The following PTPRK variants were observed in gnomAD, a reference collection of about 807,000 sequenced individuals.
PTPRK encodes receptor-type tyrosine-protein phosphatase kappa.
A neutral mutation model predicts 178.0 loss-of-function variants in PTPRK; 75 were observed. The ratio of observed to expected loss-of-function variants is 0.42; its 90% CI spans 0.35 to 0.51. PTPRK has a LOEUF of 0.51. PTPRK is among the 20% of genes least tolerant of loss of function. The pLI is 0.02. For missense variants in PTPRK, 1,441 were observed against 1,797.8 expected, an observed-to-expected ratio of 0.80 and a Z score of 3.59; for synonymous variants, 637 against 620.6, an observed-to-expected ratio of 1.03 and a Z score of -0.39.
chr6:128,456,222 TAA>T (rs1848375554), intron 1 of PTPRK, among the ~76,000 whole-genome samples: 1 of 152,022 alleles, frequency 6.6e-6, no homozygotes, highest in Non-Finnish European at 1.5e-5. Context: ...CAAACAGACT[TAA>T]ATTACCCACT....
At chr6:128,149,715 G>T (rs1009920186) in intron 7 of PTPRK, among the ~76,000 whole-genome samples, 4 of 152,120 alleles carry the variant, frequency 2.6e-5, no homozygotes, top group African/African-American at 9.7e-5. Context: ...AATGGAAGCT[G>T]TATATAATGT....
intron 2 of PTPRK, among the ~76,000 whole-genome samples, chr6:128,394,542 C>T (rs986674240): frequency 3.3e-5 from 5 of 152,120 alleles, no homozygotes; most frequent in Admixed American, 2.6e-4. Context: ...TTTAAATATG[C>T]ATTTCTTTGA....
intron 3 of PTPRK, among the ~76,000 whole-genome samples, chr6:128,290,026 A>G (rs1385413310): frequency 6.6e-6 from 1 of 152,090 alleles, no homozygotes; most frequent in Non-Finnish European, 1.5e-5. Flanking sequence ...AAACCATTCC[A>G]TTTTTACAAT....
chr6:128,357,357 A>G (rs997315230), intron 2 of PTPRK, among the ~76,000 whole-genome samples: 3 of 152,238 alleles, frequency 2.0e-5, no homozygotes, highest in African/African-American at 7.2e-5. Flanking sequence ...TATTAAGCAC[A>G]GGAAAGAAAC....
intron 1 of PTPRK, among the ~76,000 whole-genome samples, chr6:128,440,649 T>C (rs988398996): frequency 6.6e-6 from 1 of 152,172 alleles, no homozygotes; most frequent in Non-Finnish European, 1.5e-5. Flanking sequence ...GTCATTTCTC[T>C]CCTTAATAGA....
chr6:128,175,189 A>G (rs2114662013), intron 7 of PTPRK, among the ~76,000 whole-genome samples: 1 of 152,046 alleles, frequency 6.6e-6, no homozygotes, highest in African/African-American at 2.4e-5. Context: ...GCTGTTTGAT[A>G]TTGATCAAAT....
intron 2 of PTPRK, among the ~76,000 whole-genome samples, chr6:128,343,008 C>CTG (rs1248559695): frequency 5.9e-5 from 9 of 152,184 alleles, no homozygotes; most frequent in African/African-American, 2.2e-4. Context: ...TGGGTAGAGA[C>CTG]TGCCTGAATT....
intron 5 of PTPRK, among the ~76,000 whole-genome samples, chr6:128,236,696 C>G (rs986415341): frequency 1.3e-5 from 2 of 152,100 alleles, no homozygotes; most frequent in Non-Finnish European, 2.9e-5. Context: ...TTTTTAAAAA[C>G]TACTTTCCAG....
chr6:128,129,147 G>A (rs1197722426), intron 7 of PTPRK, among the ~76,000 whole-genome samples: 2 of 152,124 alleles, frequency 1.3e-5, no homozygotes, highest in Non-Finnish European at 2.9e-5. Context: ...TCAATTATCT[G>A]TTTAAGTTGG....
intron 14 of PTPRK, among the ~76,000 whole-genome samples, chr6:128,006,904 A>C: frequency 6.6e-6 from 1 of 151,014 alleles, no homozygotes; most frequent in East Asian, 1.9e-4. Context: ...TCTTTTGCAA[A>C]ACAACCAAAA....
chr6:128,209,879 G>A (rs571009659), intron 6 of PTPRK, among the ~76,000 whole-genome samples: 30 of 152,270 alleles, frequency 2.0e-4, no homozygotes, highest in African/African-American at 7.2e-4. Flanking sequence ...ATGAAGGACT[G>A]AAGGGGGTGA....
intron 13 of PTPRK, among the ~76,000 whole-genome samples, chr6:128,022,350 T>C (rs1483340777): frequency 6.6e-6 from 1 of 152,138 alleles, no homozygotes; most frequent in Non-Finnish European, 1.5e-5. Context: ...GGTGCTTGTT[T>C]TGTCTTTTTG....
chr6:128,263,007 C>G (rs919944547), intron 3 of PTPRK, among the ~76,000 whole-genome samples: 28 of 152,022 alleles, frequency 1.8e-4, no homozygotes, highest in Non-Finnish European at 3.8e-4. Context: ...CTGAACTGAG[C>G]CCTGAGGACC....
intron 13 of PTPRK, among the ~76,000 whole-genome samples, chr6:128,013,142 G>C (rs1779227917): frequency 6.6e-6 from 1 of 151,170 alleles, no homozygotes. Context: ...CTCTTTCTTG[G>C]AACACCCTTT....
chr6:128,367,021 C>T (rs1315309607), intron 2 of PTPRK, among the ~76,000 whole-genome samples: 1 of 152,050 alleles, frequency 6.6e-6, no homozygotes, highest in Non-Finnish European at 1.5e-5. Flanking sequence ...CTCAGCAGCC[C>T]CAGCACTGCA....
chr6:128,474,617 C>T (rs577397063), intron 1 of PTPRK, among the ~76,000 whole-genome samples: 49 of 152,206 alleles, frequency 3.2e-4, no homozygotes, highest in African/African-American at 1.0e-3. Context: ...GTTTTCAGAA[C>T]TTCTGCAACA....
At chr6:128,032,861 G>A (rs1422597718) in intron 13 of PTPRK, among the ~76,000 whole-genome samples, 1 of 152,146 alleles carries the variant, frequency 6.6e-6, no homozygotes, top group African/African-American at 2.4e-5. Context: ...GCCACGAGAA[G>A]AAGAAAAGCA....
At chr6:128,089,575 T>C in intron 8 of PTPRK, 115 bp downstream of exon 8, 1 of 1,137,482 alleles carries the variant, frequency 8.8e-7, no homozygotes, top group Non-Finnish European at 1.3e-6. Flanking sequence ...ATTAATAACA[T>C]TTAGATGATT....
chr6:128,135,903 G>A lies in PTPRK; in HGVS notation c.1163-45911C>T, dbSNP rs560334560. On this transcript the variant is annotated intron_variant, in intron 7 of 29. Transcript: ENST00000368226. The stretch of plus-strand genomic sequence containing the variant: ...GCATCTGGTAGAGTTTTAAGAAGTC[G>A]TCAGATATACCAATGAATAAGATGT... 4.6e-5 allele frequency among the ~76,000 whole-genome samples: 7 copies of A among 151,926 alleles called. No homozygotes were observed. In the East Asian group the frequency reaches 7.7e-4, roughly 17 times the overall value.
Sources: allele counts gnomAD v4.1 joint callset (sites outside exome capture counted in the v4.1 genomes callset), GRCh38; gene constraint gnomAD v4.1.1; transcripts MANE v1.5; gene names NCBI Gene and HGNC (gene_info 2026-07-23, HGNC 2026-07-21).